DLEU7: variants seen among roughly 807,000 people sequenced by gnomAD.
DLEU7 encodes the protein leukemia-associated protein 7.
In DLEU7, 17 loss-of-function variants were observed where a neutral mutation model predicts 16.0. The observed-to-expected ratio is 1.06, with a 90% CI of 0.73 to 1.59. DLEU7 has a LOEUF of 1.59. Among genes scored for constraint, DLEU7 ranks in the 40% most tolerant of loss-of-function variants. The probability of loss-of-function intolerance (pLI) is 0.00; values close to 1 mark genes in which losing one functional copy is unlikely to be tolerated. For synonymous variants in DLEU7, 113 were observed against 139.8 expected, an observed-to-expected ratio of 0.81 and a Z score of 1.35; for missense variants, 308 against 314.9, an observed-to-expected ratio of 0.98 and a Z score of 0.17.
At position 50,837,772 on chromosome 13, in the gene DLEU7, G is replaced by A. The variant is rs542509848; in HGVS notation, c.459+5416C>T. Among the ~76,000 whole-genome samples, 91 of 152,200 alleles carry A rather than the reference G, an allele frequency of 6.0e-4. 1 individual carries two copies. The highest frequency in any genetic ancestry group is 1.2e-3 in the Admixed American group (18 of 15,286). On this transcript the variant is annotated intron_variant, in intron 1 of 1. Transcript: ENST00000504404. ...AAAAGATTTGATTATTATTATTACC[G>A]TTAAAAGGCTGATGCCTCATGAATT...
rs542542924 is a variant in DLEU7 at position 50,740,799 on chromosome 13, C to T, written c.460-27559G>A. Among the ~76,000 whole-genome samples, 3 of 152,240 alleles carry T rather than the reference C, an allele frequency of 2.0e-5. No individual in the cohort carries two copies. The South Asian group carries it at 6.2e-4, about 32-fold the overall frequency. ...AAAAACCCTTATTTTAATAGTATTA[C>T]TTTGATCTTATGAGTAAATGAAACC... On this transcript the variant is annotated intron_variant, in intron 1 of 1. Transcript: ENST00000400393.
At chr13:50,716,570 T>C (rs1873443750) in intron 1 of DLEU7, among the ~76,000 whole-genome samples, 1 of 152,246 alleles carries the variant, frequency 6.6e-6, no homozygotes, top group Non-Finnish European at 1.5e-5. Flanking sequence ...GAACTGGGAC[T>C]CTCACTAACT....
At chr13:50,764,571 T>C (rs1875043407) in intron 1 of DLEU7, among the ~76,000 whole-genome samples, 1 of 152,250 alleles carries the variant, frequency 6.6e-6, no homozygotes, top group African/African-American at 2.4e-5. Flanking sequence ...TTAAAACACT[T>C]ATCTATGAAC....
At chr13:50,835,632 C>T (rs1877431211) in intron 1 of DLEU7, among the ~76,000 whole-genome samples, 1 of 152,196 alleles carries the variant, frequency 6.6e-6, no homozygotes, top group Admixed American at 6.5e-5. Flanking sequence ...CCATGTAAAA[C>T]CAACCCTGAG....
At chr13:50,810,291 A>G (rs920974423) in intron 1 of DLEU7, among the ~76,000 whole-genome samples, 14 of 152,042 alleles carry the variant, frequency 9.2e-5, no homozygotes, top group Non-Finnish European at 1.9e-4. Context: ...GATTTGGCCC[A>G]GCCTTACAGA....
At chr13:50,756,262 C>T (rs1157007020) in intron 1 of DLEU7, among the ~76,000 whole-genome samples, 8 of 152,112 alleles carry the variant, frequency 5.3e-5, no homozygotes, top group South Asian at 2.1e-4. Context: ...AGGTGGTGGG[C>T]GGGGCCCTAG....
chr13:50,738,435 C>T (rs182696514), intron 1 of DLEU7, among the ~76,000 whole-genome samples: 6 of 152,096 alleles, frequency 3.9e-5, no homozygotes, highest in Admixed American at 1.3e-4. Context: ...AGCAGACCAA[C>T]GTTCAGTCAG....
At chr13:50,804,917 C>A (rs1465325944) in intron 1 of DLEU7, among the ~76,000 whole-genome samples, 1 of 151,824 alleles carries the variant, frequency 6.6e-6, no homozygotes, top group Admixed American at 6.6e-5. Context: ...AACTGAATTC[C>A]ACTATTGTTC....
intron 1 of DLEU7, among the ~76,000 whole-genome samples, chr13:50,791,221 T>C (rs1310293924): frequency 2.6e-5 from 4 of 152,218 alleles, no homozygotes; most frequent in Non-Finnish European, 5.9e-5. Flanking sequence ...TGGGCTTGGC[T>C]GGGCTCTTCT....
At chr13:50,761,762 C>A (rs1874938853) in intron 1 of DLEU7, among the ~76,000 whole-genome samples, 1 of 151,986 alleles carries the variant, frequency 6.6e-6, no homozygotes, top group Non-Finnish European at 1.5e-5. Flanking sequence ...AAAGTTTTAT[C>A]TAAAACCACA....
chr13:50,843,403 GCGCCGCGGTC>G lies in DLEU7; in HGVS notation c.234_243del (p.Thr79GlyfsTer9). 1 of 1,316,644 alleles carries G rather than the reference GCGCCGCGGTC, an allele frequency of 7.6e-7. No homozygotes were observed. Among genetic ancestry groups the G allele is most frequent in the Non-Finnish European group, 9.6e-7 (1 of 1,036,722 alleles). 81.6% of individuals were successfully genotyped at this position (1,316,644 alleles called of 1,614,324 possible). A position where few individuals can be genotyped will look rare whatever the true frequency, so the allele number is the denominator to read the frequency against. ...ACCTCCTCCTCTGGGGAGTTCGCCC[GCGCCGCGGTC>G]CGCCGACTCCTGGTCCCCACGCCCC... On this transcript the variant is annotated frameshift_variant, in exon 1 of 2. Coordinates refer to ENST00000504404, the MANE Select transcript of DLEU7 (RefSeq NM_001306135.2). LOFTEE classifies it high-confidence loss of function. The surrounding 1 kb of genome is among the most constrained non-coding windows in gnomAD (Gnocchi z 5.7).
At chr13:50,735,334 A>G (rs9562993) in intron 1 of DLEU7, among the ~76,000 whole-genome samples, 23,226 of 152,086 alleles carry the variant, frequency 0.15, 2,609 homozygotes, top group African/African-American at 0.3. Flanking sequence ...TTCATCAAGC[A>G]ACAGCACAAT....
intron 1 of DLEU7, among the ~76,000 whole-genome samples, chr13:50,744,007 T>A (rs1287871366): frequency 6.6e-6 from 1 of 152,108 alleles, no homozygotes; most frequent in African/African-American, 2.4e-5. Flanking sequence ...CTGTACCCTA[T>A]CAGGCTCTGC....
chr13:50,773,061 A>G (rs116171032), intron 1 of DLEU7, among the ~76,000 whole-genome samples: 2,499 of 152,160 alleles, frequency 0.016, 62 homozygotes, highest in African/African-American at 0.057. Flanking sequence ...ATCGAATCAG[A>G]TACTGAAACT....
chr13:50,774,517 G>A (rs952103108), intron 1 of DLEU7, among the ~76,000 whole-genome samples: 3 of 152,088 alleles, frequency 2.0e-5, no homozygotes, highest in Non-Finnish European at 4.4e-5. Flanking sequence ...TTCTTTCGAT[G>A]CTTTTAAGAT....
In DLEU7 at chr13:50,823,116, A is replaced by T. The variant is rs919262312; in HGVS notation, c.*198T>A. ...GTCAATATACTTAAAAATATGAACT[A>T]CTGCTTTAAAAAAATTTCATTAACA... is the stretch of plus-strand genomic sequence containing the variant. On this transcript the variant is annotated 3_prime_UTR_variant, in exon 2 of 2. Transcript: ENST00000504404. 1.4e-6 allele frequency: 2 copies of T among 1,381,936 alleles called. No homozygotes were observed. The highest frequency in any genetic ancestry group is 2.9e-5 in the African/African-American group (2 of 68,926). The allele number at this position is 1,381,936 out of a possible 1,614,324, so 85.6% of individuals were successfully genotyped here.
chr13:50,755,072 A>G (rs902137990), intron 1 of DLEU7, among the ~76,000 whole-genome samples: 5 of 152,212 alleles, frequency 3.3e-5, no homozygotes, highest in African/African-American at 9.6e-5. Context: ...TTAGTCTGAT[A>G]GGTTTTCCTT....
At chr13:50,752,450 G>A (rs551630779) in intron 1 of DLEU7, among the ~76,000 whole-genome samples, 3 of 152,112 alleles carry the variant, frequency 2.0e-5, no homozygotes, top group African/African-American at 4.8e-5. Context: ...TGTTGTGTCC[G>A]GAATTGGTGG....
At chr13:50,728,378 T>G (rs1156342077) in intron 1 of DLEU7, among the ~76,000 whole-genome samples, 19 of 152,214 alleles carry the variant, frequency 1.2e-4, no homozygotes, top group Admixed American at 1.2e-3. Flanking sequence ...AAAAGGAATC[T>G]CTATGCTCAA....
Sources: gnomAD v4.1 joint callset for allele counts (sites outside exome capture counted in the v4.1 genomes callset) on GRCh38, gnomAD v4.1.1 for gene constraint, Gnocchi (gnomAD v3.1) non-coding constraint, MANE v1.5 for transcripts, NCBI Gene and HGNC (gene_info 2026-07-23, HGNC 2026-07-21) for gene names.